CFAP100: variants seen among roughly 807,000 people sequenced by gnomAD.
The protein encoded by CFAP100 is cilia and flagella associated protein 100.
A neutral mutation model predicts 81.5 loss-of-function variants in CFAP100; 70 were observed. The ratio of observed to expected loss-of-function variants is 0.86; its 90% confidence interval spans 0.71 to 1.05. The LOEUF (loss-of-function observed/expected upper bound fraction) is 1.05. Among genes scored for constraint, CFAP100 ranks in the 50% least tolerant of loss-of-function variants. CFAP100 has a pLI of 0.00. For missense variants in CFAP100, 811 were observed against 776.5 expected (o/e 1.04, Z -0.53); for synonymous variants, 341 against 314.8 (o/e 1.08, Z -0.88).
In CFAP100 at chr3:126,418,528, A is replaced by T. The variant is rs2083277191; in HGVS notation, c.486+3A>T. On this transcript the variant is annotated splice_donor_region_variant and intron_variant, in intron 6 of 16. Coordinates refer to ENST00000352312, the MANE Select transcript of CFAP100 (RefSeq NM_182628.3). ...AGCGGCAAATGTTCCTCCTCCAGGT[A>T]GGTCCCGTGGCCCCCAGAGCGATGG... 6.2e-7 allele frequency: 1 copy of T among 1,614,104 alleles called. No individual in the cohort carries two copies. Among genetic ancestry groups the T allele is most frequent in the East Asian group, 2.2e-5 (1 of 44,848 alleles).
Position 126,416,308 on chromosome 3 carries a change from G to A in CFAP100, c.226-8G>A. ...TGGGCCCCGCCCGACTTGGCCCGAC[G>A]CCCCCAGGAACGGCAGCAGCAGAAG... On this transcript the variant is annotated splice_polypyrimidine_tract_variant and splice_region_variant and intron_variant, in intron 4 of 16. Coordinates refer to ENST00000352312, the MANE Select transcript of CFAP100 (RefSeq NM_182628.3). 6.3e-7 allele frequency: 1 copy of A among 1,575,598 alleles called. No homozygotes were observed. Among genetic ancestry groups the A allele is most frequent in the Non-Finnish European group, 8.7e-7 (1 of 1,155,968 alleles).
chr3:126,419,906 C>A lies in CFAP100; in HGVS notation c.914-74C>A, dbSNP rs1434066510. ...GCCCAGCTGGCAGGTTACCTGCAGG[C>A]ATCTGGGCCACATGGCGTTGCTGAA... On this transcript the variant is annotated intron_variant, in intron 9 of 16. Transcript: ENST00000352312. The A allele has an allele frequency of 3.7e-6, 6 of 1,611,290 alleles. No homozygotes were observed. In the Admixed American group the frequency reaches 6.7e-5, roughly 18 times the overall value.
chr3:126,396,838 G>A (rs1208890461), intron 2 of CFAP100, among the ~76,000 whole-genome samples: 1 of 152,214 alleles, frequency 6.6e-6, no homozygotes, highest in African/African-American at 2.4e-5. Context: ...AGGCTGCCCA[G>A]GCCTACCTGG....
In CFAP100 at chr3:126,434,384, G is replaced by A. The variant is rs1933361440; in HGVS notation, c.1628+3G>A. 4 of 1,611,314 alleles carry A rather than the reference G, an allele frequency of 2.5e-6. No individual in the cohort carries two copies. Among genetic ancestry groups the A allele is most frequent in the Non-Finnish European group, 1.7e-6 (2 of 1,178,706 alleles). On this transcript the variant is annotated splice_donor_region_variant and intron_variant, in intron 15 of 16. Coordinates refer to ENST00000352312, the MANE Select transcript of CFAP100 (RefSeq NM_182628.3). ...AAGGAGAAGGAGCGGCGCATCAGGT[G>A]AGCTCTAGGCTCTCCCTGCCAGCTG...
chr3:126,400,162 A>C (rs1223864986), intron 2 of CFAP100, among the ~76,000 whole-genome samples: 1 of 152,110 alleles, frequency 6.6e-6, no homozygotes, highest in African/African-American at 2.4e-5. Flanking sequence ...AAATCCTAAC[A>C]CTCAACAAGA....
intron 13 of CFAP100, among the ~76,000 whole-genome samples, chr3:126,429,960 C>A (rs1200806331): frequency 6.6e-6 from 1 of 151,998 alleles, no homozygotes; most frequent in Admixed American, 6.6e-5. Context: ...CCATTTTTTT[C>A]TTTCAGTACT....
intron 4 of CFAP100, 62 bp from the exon 5 acceptor site, chr3:126,416,254 C>A: frequency 8.4e-7 from 1 of 1,192,680 alleles, no homozygotes; most frequent in Non-Finnish European, 1.2e-6. Flanking sequence ...GGGAACCGCG[C>A]GGGGAGGCCT....
rs2107606607 is a variant in CFAP100, at chr3:126,419,110, A to G, written c.685A>G (p.Ile229Val). 1 of 1,593,588 alleles carries G rather than the reference A, an allele frequency of 6.3e-7. No individual in the cohort carries two copies. Among genetic ancestry groups the G allele is most frequent in the East Asian group, 2.3e-5 (1 of 44,312 alleles). ...EKETKAKIEK[I>V]LEIRDLTTQI... ...GGAGACCAAAGCCAAGATAGAGAAG[A>G]TCCTTGAGATCCGGGACCTCACCAC... The change falls in exon 8 of 17, where the codon ATC (isoleucine) becomes GTC (valine). Residue 229 changes from isoleucine to valine, a missense_variant. By Grantham distance (29) the Ile-to-Val change is conservative. Coordinates refer to ENST00000352312, the MANE Select transcript of CFAP100 (RefSeq NM_182628.3).
At chr3:126,405,085 G>A (rs2083043651) in intron 2 of CFAP100, among the ~76,000 whole-genome samples, 1 of 152,010 alleles carries the variant, frequency 6.6e-6, no homozygotes. Flanking sequence ...ACTGCTGTGC[G>A]ACCACCACCA....
intron 2 of CFAP100, among the ~76,000 whole-genome samples, chr3:126,399,994 A>G (rs1576612821): frequency 6.6e-6 from 1 of 152,112 alleles, no homozygotes; most frequent in African/African-American, 2.4e-5. Context: ...GCGGCTGGCC[A>G]TTGTTCCAAC....
At chr3:126,401,397 T>TTTTATATATATATATATATATA (rs869308239) in intron 2 of CFAP100, among the ~76,000 whole-genome samples, 1 of 76,186 alleles carries the variant, frequency 1.3e-5, no homozygotes, top group Non-Finnish European at 2.7e-5. Flanking sequence ...AAATCGTATT[T>TTTTATATATATATATATATATA]TATATATATA....
At chr3:126,397,486 A>G (rs976146142) in intron 2 of CFAP100, among the ~76,000 whole-genome samples, 2 of 152,260 alleles carry the variant, frequency 1.3e-5, no homozygotes, top group Non-Finnish European at 2.9e-5. Flanking sequence ...TTATGCTACC[A>G]CAAGACAGTT....
At chr3:126,407,383 T>A (rs138452337) in intron 3 of CFAP100, 131 bp downstream of exon 3, 1 of 568,990 alleles carries the variant, frequency 1.8e-6, no homozygotes, top group African/African-American at 1.9e-5. Context: ...CCATTAGGAA[T>A]TGGGTTGACT....
chr3:126,415,413 C>G (rs536112972), intron 4 of CFAP100, among the ~76,000 whole-genome samples: 1 of 151,722 alleles, frequency 6.6e-6, no homozygotes, highest in South Asian at 2.1e-4. Context: ...GCATCCACCA[C>G]TCACAACCTC....
intron 4 of CFAP100, 62 bp from the exon 5 acceptor site, chr3:126,416,254 C>T (rs1313671069): frequency 1.7e-6 from 2 of 1,192,646 alleles, no homozygotes; most frequent in African/African-American, 3.5e-5. Flanking sequence ...GGGAACCGCG[C>T]GGGGAGGCCT....
chr3:126,405,876 C>T (rs2083055066), intron 2 of CFAP100, among the ~76,000 whole-genome samples: 1 of 152,052 alleles, frequency 6.6e-6, no homozygotes, highest in African/African-American at 2.4e-5. Context: ...CAGCCTCGAC[C>T]TCCTGGGCTC....
chr3:126,415,409 A>G (rs570352157), intron 4 of CFAP100, among the ~76,000 whole-genome samples: 1 of 121,586 alleles, frequency 8.2e-6, no homozygotes, highest in South Asian at 2.8e-4. Context: ...CCCAGCATCC[A>G]CCACTCACAA....
chr3:126,403,764 T>C (rs2083022921), intron 2 of CFAP100, among the ~76,000 whole-genome samples: 1 of 152,232 alleles, frequency 6.6e-6, no homozygotes, highest in African/African-American at 2.4e-5. Context: ...AAAGTAGACT[T>C]ACACTTTAAT....
intron 2 of CFAP100, among the ~76,000 whole-genome samples, chr3:126,403,209 C>A (rs111731047): frequency 1.3e-5 from 2 of 151,840 alleles, no homozygotes; most frequent in East Asian, 3.9e-4. Context: ...TAGGCGGAAA[C>A]GTGAGGGCAT....
Sources: allele counts gnomAD v4.1 joint callset (sites outside exome capture counted in the v4.1 genomes callset), GRCh38; gene constraint gnomAD v4.1.1; transcripts MANE v1.5; gene names NCBI Gene and HGNC (gene_info 2026-07-23, HGNC 2026-07-21).